The following PBX3 variants were observed in gnomAD, a reference collection of about 807,000 sequenced individuals.
The protein encoded by PBX3 is PBX homeobox 3.
PBX3 carries 14 observed loss-of-function variants against 48.5 expected under a neutral mutation model. The observed-to-expected ratio is 0.29, with a 90% CI of 0.19 to 0.45. PBX3 has a LOEUF of 0.45. Ranked by LOEUF, PBX3 falls within the 20% of genes least tolerant of loss-of-function variation. The pLI is 1.00. For synonymous variants in PBX3, 210 were observed against 200.3 expected (o/e 1.05, Z -0.41); for missense variants, 386 against 546.7 (o/e 0.71, Z 2.93).
intron 3 of PBX3, among the ~76,000 whole-genome samples, chr9:125,923,415 T>C (rs1004979410): frequency 6.6e-6 from 1 of 152,350 alleles, no homozygotes; most frequent in East Asian, 1.9e-4. Context: ...TTCCATACTC[T>C]GGTACAGCAG....
intron 3 of PBX3, among the ~76,000 whole-genome samples, chr9:125,924,922 A>G (rs1181138630): frequency 1.4e-4 from 22 of 152,200 alleles, no homozygotes. Context: ...ATATAATCAT[A>G]ATTTATCATA....
chr9:125,880,137 C>T (rs565985285), intron 2 of PBX3, among the ~76,000 whole-genome samples: 1 of 152,176 alleles, frequency 6.6e-6, no homozygotes, highest in Non-Finnish European at 1.5e-5. Flanking sequence ...CTCCGCCTCC[C>T]GGGTTCAAGC....
chr9:125,779,347 G>A (rs1371479051), intron 2 of PBX3, among the ~76,000 whole-genome samples: 5 of 139,856 alleles, frequency 3.6e-5, no homozygotes, highest in African/African-American at 1.4e-4. Flanking sequence ...TGGAGGGAAG[G>A]TTGGCAGATA....
At chr9:125,945,730 G>A (rs917832167) in intron 5 of PBX3, among the ~76,000 whole-genome samples, 1 of 152,194 alleles carries the variant, frequency 6.6e-6, no homozygotes, top group Non-Finnish European at 1.5e-5. Context: ...TGATGGAGGG[G>A]ACATTAAAGC....
Position 125,928,334 on chromosome 9 carries a change from A to G in PBX3, c.517-1321A>G, listed in dbSNP as rs2132507951. Among the ~76,000 whole-genome samples the G allele has an allele frequency of 2.6e-5, 4 of 152,124 alleles. No individual in the cohort carries two copies. In the South Asian group the frequency reaches 8.3e-4, roughly 32 times the overall value. On this transcript the variant is annotated intron_variant, in intron 3 of 8. Transcript: ENST00000373489. ...CTTGAGGCTGCAATGAACTATGATC[A>G]TACCACTGCACTCTAGCCTGGGTGA... is the stretch of plus-strand genomic sequence containing the variant.
chr9:125,840,371 T>G (rs1027948203), intron 2 of PBX3, among the ~76,000 whole-genome samples: 10 of 151,950 alleles, frequency 6.6e-5, no homozygotes, highest in Non-Finnish European at 1.3e-4. Context: ...CTGCGTATGC[T>G]GGCCTTTTAG....
chr9:125,774,301 T>C (rs549503923), intron 2 of PBX3, among the ~76,000 whole-genome samples: 2 of 152,184 alleles, frequency 1.3e-5, no homozygotes, highest in Non-Finnish European at 2.9e-5. Context: ...CCCAGTCACC[T>C]CCTGCCAGGC....
intron 2 of PBX3, among the ~76,000 whole-genome samples, chr9:125,794,414 A>T (rs554726779): frequency 6.6e-6 from 1 of 152,320 alleles, no homozygotes; most frequent in East Asian, 1.9e-4. Context: ...GCAACAATGA[A>T]ATTTTATAAT....
At chr9:125,780,245 C>T (rs1370256144) in intron 2 of PBX3, among the ~76,000 whole-genome samples, 5 of 130,988 alleles carry the variant, frequency 3.8e-5, no homozygotes, top group South Asian at 2.5e-4. Context: ...GGGGGCTGAG[C>T]CCCCCACCTC....
chr9:125,935,617 G>A lies in PBX3; in HGVS notation c.843+10G>A, dbSNP rs760702354. On this transcript the variant is annotated intron_variant, in intron 5 of 8. Transcript: ENST00000373489. ...CATCACAGTGTCACAGGTGAGAAAGGACCCATGGGTCTGTCTTGTTCCCTG... is the reference window on the plus strand; with the variant it reads ...CATCACAGTGTCACAGGTGAGAAAGAACCCATGGGTCTGTCTTGTTCCCTG... 6.2e-7 allele frequency: 1 copy of A among 1,613,398 alleles called. No homozygotes were observed. The highest frequency in any genetic ancestry group is 8.5e-7 in the Non-Finnish European group (1 of 1,179,636).
intron 5 of PBX3, among the ~76,000 whole-genome samples, chr9:125,943,531 T>G (rs1350600397): frequency 1.3e-5 from 2 of 152,090 alleles, no homozygotes; most frequent in Non-Finnish European, 2.9e-5. Context: ...CTTCTCTTCT[T>G]CTTTCCAATT....
intron 2 of PBX3, among the ~76,000 whole-genome samples, chr9:125,761,192 C>G (rs766530953): frequency 6.6e-6 from 1 of 151,414 alleles, no homozygotes; most frequent in Non-Finnish European, 1.5e-5. Flanking sequence ...CTATAGACAT[C>G]TAATAAATAG....
chr9:125,921,637 G>T (rs1306449427), intron 3 of PBX3, among the ~76,000 whole-genome samples: 1 of 152,064 alleles, frequency 6.6e-6, no homozygotes, highest in Admixed American at 6.5e-5. Flanking sequence ...TTTCATCTTT[G>T]TGGTTGTTCC....
At chr9:125,788,852 G>A (rs1433235603) in intron 2 of PBX3, among the ~76,000 whole-genome samples, 1 of 151,152 alleles carries the variant, frequency 6.6e-6, no homozygotes, top group Admixed American at 6.6e-5. Flanking sequence ...CCCAGCCTGG[G>A]CGACAGAGCG....
intron 3 of PBX3, among the ~76,000 whole-genome samples, chr9:125,918,192 A>T (rs961918282): frequency 6.6e-6 from 1 of 152,166 alleles, no homozygotes; most frequent in Non-Finnish European, 1.5e-5. Context: ...ACCTCTTGCC[A>T]TGTGTCTTTA....
At chr9:125,930,239 C>T (rs1350331642) in intron 4 of PBX3, among the ~76,000 whole-genome samples, 1 of 152,166 alleles carries the variant, frequency 6.6e-6, no homozygotes, top group Non-Finnish European at 1.5e-5. Flanking sequence ...CTTGGAGATA[C>T]TGATACTCCT....
chr9:125,782,634 T>C (rs1014777675), intron 2 of PBX3, among the ~76,000 whole-genome samples: 3 of 152,254 alleles, frequency 2.0e-5, no homozygotes, highest in Admixed American at 2.0e-4. Flanking sequence ...CCTATGTGGT[T>C]ATCTTCACTG....
chr9:125,804,329 A>G (rs772143544), intron 2 of PBX3, among the ~76,000 whole-genome samples: 4 of 152,178 alleles, frequency 2.6e-5, no homozygotes, highest in Non-Finnish European at 2.9e-5. Flanking sequence ...GAGCTTTTCA[A>G]GGTATATGAG....
chr9:125,825,105 G>A (rs956957459), intron 2 of PBX3, among the ~76,000 whole-genome samples: 1 of 152,140 alleles, frequency 6.6e-6, no homozygotes, highest in East Asian at 1.9e-4. Flanking sequence ...ATAACATGGC[G>A]AAACCTTATC....
Sources: gnomAD v4.1 joint callset for allele counts (sites outside exome capture counted in the v4.1 genomes callset) on GRCh38, gnomAD v4.1.1 for gene constraint, MANE v1.5 for transcripts, NCBI Gene and HGNC (gene_info 2026-07-23, HGNC 2026-07-21) for gene names.